SAMMSON: variants seen among roughly 807,000 people sequenced by gnomAD.
SAMMSON encodes survival associated mitochondrial melanoma specific oncogenic non-coding RNA.
chr3:70,358,736 A>G, intron 9 of SAMMSON, among the ~76,000 whole-genome samples: 1 of 152,052 alleles, frequency 6.6e-6, no homozygotes, highest in East Asian at 1.9e-4. Flanking sequence ...ATTGCTTTGT[A>G]GTTAAAATGT....
chr3:70,142,087 T>C (rs551785235), intron 4 of SAMMSON, among the ~76,000 whole-genome samples: 2 of 150,830 alleles, frequency 1.3e-5, no homozygotes, highest in South Asian at 2.1e-4. Flanking sequence ...CTGGTGGGAA[T>C]GTAAACCAGT....
At chr3:70,274,056 C>CGTGTGTGT (rs111792704) in intron 6 of SAMMSON, among the ~76,000 whole-genome samples, 3,438 of 142,896 alleles carry the variant, frequency 0.024, 43 homozygotes, top group Non-Finnish European at 0.027. Context: ...ATTAAACCTC[C>CGTGTGTGT]GTGTGTGTGT....
Position 70,141,013 on chromosome 3 carries a change from G to GT in SAMMSON, n.507+69457dup, listed in dbSNP as rs369872268. ...TCGTGGGACATTCATGGCAATGTAG[G>GT]TTTTTTTTTGTTTTTGTTTTTATTT... On this transcript the variant is annotated intron_variant and non_coding_transcript_variant, in intron 4 of 9. Transcript: ENST00000642114. 4.6e-3 allele frequency among the ~76,000 whole-genome samples: 701 copies of GT among 151,286 alleles called. 3 individuals are homozygous for GT. Among genetic ancestry groups the GT allele is most frequent in the African/African-American group, 0.016 (653 of 41,234 alleles).
chr3:70,008,696 A>G (rs967423590), intron 1 of SAMMSON, among the ~76,000 whole-genome samples: 3 of 152,136 alleles, frequency 2.0e-5, no homozygotes, highest in African/African-American at 7.2e-5. Flanking sequence ...GTGGTGAGAG[A>G]GGGCATCCCT....
intron 9 of SAMMSON, among the ~76,000 whole-genome samples, chr3:70,388,689 T>G (rs1270591394): frequency 1.3e-5 from 2 of 152,156 alleles, no homozygotes; most frequent in Non-Finnish European, 2.9e-5. Context: ...GTGCTTATTT[T>G]CTTGCCTTGA....
intron 4 of SAMMSON, chr3:70,140,438 C>T (rs1055155930): frequency 3.2e-5 from 6 of 187,528 alleles, no homozygotes; most frequent in Admixed American, 1.0e-4. Flanking sequence ...GGACTTTTTG[C>T]ATGCAAGGGA....
At chr3:70,085,807 A>G (rs144895930) in intron 4 of SAMMSON, among the ~76,000 whole-genome samples, 76 of 152,302 alleles carry the variant, frequency 5.0e-4, no homozygotes, top group African/African-American at 1.6e-3. Context: ...CCTCCCAAAT[A>G]CAGGAAGGAC....
At chr3:70,344,352 G>C (rs1702733701) in intron 7 of SAMMSON, among the ~76,000 whole-genome samples, 1 of 152,080 alleles carries the variant, frequency 6.6e-6, no homozygotes, top group Admixed American at 6.6e-5. Context: ...AGTTTGGCTT[G>C]GGATGGTTGG....
At chr3:70,271,426 G>C (rs1453792364) in intron 6 of SAMMSON, among the ~76,000 whole-genome samples, 1 of 152,184 alleles carries the variant, frequency 6.6e-6, no homozygotes, top group Non-Finnish European at 1.5e-5. Context: ...TGCAGATTCA[G>C]TATCATCAAA....
In SAMMSON at chr3:70,020,948, A is replaced by G. The variant is rs139197313; in HGVS notation, n.417+7276A>G. Among the ~76,000 whole-genome samples, 1,064 of 152,310 alleles carry G rather than the reference A, an allele frequency of 7.0e-3. 4 individuals are homozygous for G. Among genetic ancestry groups the G allele is most frequent in the Non-Finnish European group, 0.011 (773 of 68,026 alleles). On this transcript the variant is annotated intron_variant and non_coding_transcript_variant, in intron 3 of 9. Coordinates refer to ENST00000642114, the Ensembl canonical transcript of SAMMSON. ...AGAAAGTGAGAAAATGGCAGAACCA[A>G]GTTCTGAAAGTGTTGGTAATGGTGA...
At chr3:70,068,778 C>T (rs1226962926) in intron 3 of SAMMSON, 1 of 152,040 alleles carries the variant, frequency 6.6e-6, no homozygotes. Flanking sequence ...GTAAGTACTT[C>T]TGACAGAAAA....
At chr3:70,254,529 A>C (rs1163998130) in intron 6 of SAMMSON, among the ~76,000 whole-genome samples, 1 of 152,114 alleles carries the variant, frequency 6.6e-6, no homozygotes, top group Non-Finnish European at 1.5e-5. Flanking sequence ...TCACTTAGAG[A>C]GCTTTTGGAA....
intron 4 of SAMMSON, chr3:70,184,161 T>A (rs1364423331): frequency 6.6e-6 from 1 of 152,228 alleles, no homozygotes; most frequent in Non-Finnish European, 1.5e-5. Context: ...CCGTGATGCT[T>A]CTTCAAAAAT....
In SAMMSON at chr3:70,200,596, C is replaced by G. The variant is rs559544998; in HGVS notation, n.508-48511C>G. 9.9e-5 allele frequency among the ~76,000 whole-genome samples: 15 copies of G among 152,272 alleles called. No homozygotes were observed. In the South Asian group the frequency reaches 2.9e-3, roughly 29 times the overall value. On this transcript the variant is annotated intron_variant and non_coding_transcript_variant, in intron 4 of 9. Transcript: ENST00000642114. ...TAAATCACATCCTTGCTGAAACTCT[C>G]ACAGCAATCTGTTTTATTTTTTCTT...
chr3:70,015,748 G>C (rs1294169589), intron 3 of SAMMSON, among the ~76,000 whole-genome samples: 1 of 141,072 alleles, frequency 7.1e-6, no homozygotes, highest in Non-Finnish European at 1.5e-5. Flanking sequence ...GGTGTGTGAT[G>C]TTCCCCTTCC....
intron 4 of SAMMSON, among the ~76,000 whole-genome samples, chr3:70,189,540 C>T (rs531239000): frequency 1.2e-4 from 19 of 152,254 alleles, no homozygotes; most frequent in Admixed American, 8.5e-4. Flanking sequence ...TTTTGCACTT[C>T]GCCCAACCTA....
chr3:70,374,150 G>A (rs1342939767), intron 9 of SAMMSON, among the ~76,000 whole-genome samples: 1 of 152,098 alleles, frequency 6.6e-6, no homozygotes, highest in African/African-American at 2.4e-5. Flanking sequence ...CCGACCTCAG[G>A]GGACTTGCCC....
chr3:70,311,802 TC>T (rs1341216611), intron 7 of SAMMSON: 1 of 394,048 alleles, frequency 2.5e-6, no homozygotes, highest in African/African-American at 2.1e-5. Flanking sequence ...CAGGACAATT[TC>T]CTCCTTCTCC....
At position 70,135,944 on chromosome 3, in the gene SAMMSON, G is replaced by GTTT. The variant is rs10662195; in HGVS notation, n.507+64388_507+64390dup. On this transcript the variant is annotated intron_variant and non_coding_transcript_variant, in intron 4 of 9. Transcript: ENST00000642114. Reference sequence around the variant, plus strand: ...ATAAAATACCCTGTGTTCTCTAAGTGTTTTTTTTTTTGCACTGATTTGTCG... The same window carrying GTTT: ...ATAAAATACCCTGTGTTCTCTAAGTGTTTTTTTTTTTTTTGCACTGATTTGTCG... Among the ~76,000 whole-genome samples, 445 of 146,792 alleles carry GTTT rather than the reference G, an allele frequency of 3.0e-3. 3 individuals carry two copies. Among genetic ancestry groups the GTTT allele is most frequent in the South Asian group, 7.4e-3 (35 of 4,698 alleles).
Sources: gnomAD v4.1 joint callset for allele counts (sites outside exome capture counted in the v4.1 genomes callset) on GRCh38, gnomAD v4.1.1 for gene constraint, MANE v1.5 for transcripts, NCBI Gene and HGNC (gene_info 2026-07-23, HGNC 2026-07-21) for gene names.